The following RBFOX1 variants were observed in gnomAD, a reference collection of about 807,000 sequenced individuals.
RBFOX1 encodes RNA binding fox-1 homolog 1, also known as RNA binding protein fox-1 homolog 1.
RBFOX1 carries 8 observed loss-of-function variants against 57.7 expected under a neutral mutation model. The observed-to-expected ratio is 0.14, with a 90% CI of 0.08 to 0.25. The LOEUF (loss-of-function observed/expected upper bound fraction) is 0.25. Ranked by LOEUF, RBFOX1 falls within the 10% of genes least tolerant of loss-of-function variation. The pLI is 1.00. For missense variants in RBFOX1, 611 were observed against 548.5 expected (o/e 1.11, Z -1.14); for synonymous variants, 326 against 222.4 (o/e 1.47, Z -4.15).
chr16:6,259,194 T>C (rs999409508), intron 1 of RBFOX1, among the ~76,000 whole-genome samples: 2 of 152,160 alleles, frequency 1.3e-5, no homozygotes, highest in Non-Finnish European at 1.5e-5. Flanking sequence ...AGATCACCCA[T>C]TGCTTATTTA....
chr16:5,964,684 T>A (rs910321762), intron 4 of RBFOX1, among the ~76,000 whole-genome samples: 1 of 152,110 alleles, frequency 6.6e-6, no homozygotes, highest in Non-Finnish European at 1.5e-5. Context: ...ATTGTGTGTT[T>A]GTGTATATAT....
intron 2 of RBFOX1, among the ~76,000 whole-genome samples, chr16:6,491,809 C>G (rs1489836465): frequency 1.3e-5 from 2 of 152,198 alleles, no homozygotes; most frequent in Admixed American, 1.3e-4. Context: ...GCTTCGAAGT[C>G]CCTTTCCCCG....
At chr16:6,121,413 G>T (rs1232060656) in intron 1 of RBFOX1, among the ~76,000 whole-genome samples, 1 of 152,192 alleles carries the variant, frequency 6.6e-6, no homozygotes, top group Non-Finnish European at 1.5e-5. Context: ...AAACACCAGG[G>T]AAAGTGATGA....
chr16:7,599,638 CTTTTTTTTTTT>C (rs542898195), intron 9 of RBFOX1, among the ~76,000 whole-genome samples: 1 of 62,804 alleles, frequency 1.6e-5, no homozygotes, highest in African/African-American at 4.9e-5. Context: ...TTAATAAAGA[CTTTTTTTTTTT>C]TCTTTTTTTT....
chr16:5,942,852 G>T (rs1032280292), intron 4 of RBFOX1, among the ~76,000 whole-genome samples: 3 of 152,196 alleles, frequency 2.0e-5, no homozygotes, highest in Non-Finnish European at 1.5e-5. Context: ...AAACTAAGAT[G>T]AGGATGGGAG....
chr16:6,771,066 C>T (rs939174300), intron 3 of RBFOX1, among the ~76,000 whole-genome samples: 1 of 151,948 alleles, frequency 6.6e-6, no homozygotes, highest in Non-Finnish European at 1.5e-5. Context: ...TTAGGTTGGG[C>T]CCGAATCCAG....
At chr16:5,950,440 C>G (rs909233341) in intron 4 of RBFOX1, among the ~76,000 whole-genome samples, 3 of 152,190 alleles carry the variant, frequency 2.0e-5, no homozygotes, top group Admixed American at 6.5e-5. Flanking sequence ...TGGTGGGTTT[C>G]AAACTCTTAT....
At chr16:5,710,171 G>T (rs1396803537) in intron 3 of RBFOX1, among the ~76,000 whole-genome samples, 1 of 151,960 alleles carries the variant, frequency 6.6e-6, no homozygotes, top group African/African-American at 2.4e-5. Flanking sequence ...TGTGAGTTTA[G>T]AGCCAAGGGT....
intron 2 of RBFOX1, among the ~76,000 whole-genome samples, chr16:5,595,405 G>A (rs545219763): frequency 6.6e-6 from 1 of 152,324 alleles, no homozygotes; most frequent in East Asian, 1.9e-4. Flanking sequence ...GCGCAAGAGG[G>A]CATACATTTC....
At chr16:5,377,357 G>T (rs1027033779) in intron 1 of RBFOX1, among the ~76,000 whole-genome samples, 1 of 151,348 alleles carries the variant, frequency 6.6e-6, no homozygotes, top group Admixed American at 6.6e-5. Flanking sequence ...CCTTGAGATG[G>T]GGTCACGTAA....
intron 4 of RBFOX1, among the ~76,000 whole-genome samples, chr16:7,276,259 G>A (rs913800918): frequency 1.3e-5 from 2 of 152,108 alleles, no homozygotes; most frequent in Non-Finnish European, 2.9e-5. Flanking sequence ...TCATGAAATG[G>A]TGATAATTTC....
intron 2 of RBFOX1, among the ~76,000 whole-genome samples, chr16:5,582,842 CAG>C (rs2046717368): frequency 6.6e-6 from 1 of 152,158 alleles, no homozygotes; most frequent in Admixed American, 6.5e-5. Context: ...GCCTGGGTGA[CAG>C]ATTTTAGATT....
intron 4 of RBFOX1, among the ~76,000 whole-genome samples, chr16:7,503,543 G>A (rs948213308): frequency 1.3e-5 from 2 of 152,154 alleles, no homozygotes; most frequent in Admixed American, 1.3e-4. Flanking sequence ...ATTAGCAATG[G>A]CACAAGTCAT....
At chr16:6,235,116 C>T (rs2097495507) in intron 1 of RBFOX1, among the ~76,000 whole-genome samples, 1 of 152,088 alleles carries the variant, frequency 6.6e-6, no homozygotes, top group African/African-American at 2.4e-5. Context: ...CCACTAAGAC[C>T]TCACCTCTCC....
At chr16:6,689,224 AG>A (rs1453143120) in intron 3 of RBFOX1, among the ~76,000 whole-genome samples, 1 of 152,034 alleles carries the variant, frequency 6.6e-6, no homozygotes, top group Non-Finnish European at 1.5e-5. Flanking sequence ...TTATGTCTGG[AG>A]TTTTTGTAGG....
chr16:5,730,274 C>T (rs978781621), intron 3 of RBFOX1, among the ~76,000 whole-genome samples: 5 of 152,122 alleles, frequency 3.3e-5, no homozygotes, highest in African/African-American at 1.2e-4. Flanking sequence ...ATACCTGATC[C>T]TTGGGGATTT....
At chr16:6,337,124 G>A (rs2083876345) in intron 2 of RBFOX1, among the ~76,000 whole-genome samples, 1 of 152,068 alleles carries the variant, frequency 6.6e-6, no homozygotes, top group Admixed American at 6.5e-5. Context: ...GTCTATAAAT[G>A]CTTTATATTT....
chr16:6,624,454 C>T (rs376693794), intron 2 of RBFOX1, among the ~76,000 whole-genome samples: 1 of 152,070 alleles, frequency 6.6e-6, no homozygotes, highest in Non-Finnish European at 1.5e-5. Flanking sequence ...GGTGAATCAA[C>T]CACAGCCCTT....
chr16:6,691,821 G>T (rs1231063715), intron 3 of RBFOX1, among the ~76,000 whole-genome samples: 2 of 152,200 alleles, frequency 1.3e-5, no homozygotes, highest in Non-Finnish European at 2.9e-5. Flanking sequence ...CATCCCAAGG[G>T]TCCTTGAAAG....
Sources: gnomAD v4.1 joint callset for allele counts (sites outside exome capture counted in the v4.1 genomes callset) on GRCh38, gnomAD v4.1.1 for gene constraint, MANE v1.5 for transcripts, NCBI Gene and HGNC (gene_info 2026-07-23, HGNC 2026-07-21) for gene names.